Variants in MTUS2 observed in about 807,000 individuals in gnomAD.
MTUS2 encodes microtubule associated scaffold protein 2.
Under a neutral mutation model 114.1 loss-of-function variants are expected in MTUS2, and 40 were observed. That is an observed-to-expected ratio of 0.35 (90% CI 0.27 to 0.46). MTUS2 has a LOEUF of 0.46. Ranked by LOEUF, MTUS2 falls within the 20% of genes least tolerant of loss-of-function variation. The probability of loss-of-function intolerance (pLI) is 1.00; values close to 1 mark genes in which losing one functional copy is unlikely to be tolerated. For missense variants in MTUS2, 1,679 were observed against 1,705.4 expected (o/e 0.98, Z 0.27); for synonymous variants, 688 against 672.0 (o/e 1.02, Z -0.37).
chr13:29,223,384 G>T (rs1340620686), intron 5 of MTUS2, among the ~76,000 whole-genome samples: 2 of 152,124 alleles, frequency 1.3e-5, no homozygotes, highest in Non-Finnish European at 2.9e-5. Flanking sequence ...GATGATGGAT[G>T]CCCTGCCTGT....
chr13:28,941,304 A>G (rs1882221036), intron 2 of MTUS2, among the ~76,000 whole-genome samples: 1 of 152,114 alleles, frequency 6.6e-6, no homozygotes, highest in Non-Finnish European at 1.5e-5. Flanking sequence ...TATTCTGCAT[A>G]TGCTTACTGT....
intron 8 of MTUS2, among the ~76,000 whole-genome samples, chr13:29,422,441 A>G (rs1171155912): frequency 6.6e-6 from 1 of 152,196 alleles, no homozygotes; most frequent in Non-Finnish European, 1.5e-5. Context: ...GGTAATGCTT[A>G]TCATTAGTTA....
At chr13:29,210,314 G>A (rs550088698) in intron 5 of MTUS2, among the ~76,000 whole-genome samples, 1 of 151,958 alleles carries the variant, frequency 6.6e-6, no homozygotes, top group South Asian at 2.1e-4. Context: ...TATTTCTCTG[G>A]AGATTTTTTC....
At chr13:29,274,214 C>T (rs1345667805) in intron 5 of MTUS2, among the ~76,000 whole-genome samples, 4 of 151,894 alleles carry the variant, frequency 2.6e-5, no homozygotes, top group East Asian at 1.9e-4. Flanking sequence ...CCCAGGTTCA[C>T]GCCATTCTCT....
intron 4 of MTUS2, among the ~76,000 whole-genome samples, chr13:29,098,778 C>T (rs1041502782): frequency 6.6e-6 from 1 of 152,162 alleles, no homozygotes; most frequent in African/African-American, 2.4e-5. Context: ...GTAGTAAATG[C>T]TTACTGCATG....
chr13:29,205,879 A>T (rs1477804873), intron 5 of MTUS2, among the ~76,000 whole-genome samples: 1 of 152,150 alleles, frequency 6.6e-6, no homozygotes, highest in Non-Finnish European at 1.5e-5. Context: ...TGTGTGTTCA[A>T]GTATCTTTTT....
chr13:29,241,609 C>A (rs1896737327), intron 5 of MTUS2, among the ~76,000 whole-genome samples: 1 of 152,172 alleles, frequency 6.6e-6, no homozygotes, highest in African/African-American at 2.4e-5. Context: ...TCTCAAAAAT[C>A]ACATGCTACA....
chr13:29,466,616 C>T (rs747955305), intron 9 of MTUS2, among the ~76,000 whole-genome samples: 18 of 151,958 alleles, frequency 1.2e-4, no homozygotes, highest in Non-Finnish European at 2.5e-4. Context: ...GTGGCTCACG[C>T]CTGTAATCCC....
intron 2 of MTUS2, among the ~76,000 whole-genome samples, chr13:28,978,644 T>A (rs1884224030): frequency 6.6e-6 from 1 of 152,250 alleles, no homozygotes; most frequent in South Asian, 2.1e-4. Flanking sequence ...GTGATTATAG[T>A]TTGTTTTAAA....
At chr13:28,920,706 C>A (rs57764834) in intron 2 of MTUS2, among the ~76,000 whole-genome samples, 1,530 of 152,232 alleles carry the variant, frequency 0.01, 27 homozygotes, top group African/African-American at 0.035. Context: ...GGATTAGAGT[C>A]AAAAAGCCTA....
chr13:28,879,110 CT>C (rs938989800), intron 2 of MTUS2, among the ~76,000 whole-genome samples: 2 of 152,084 alleles, frequency 1.3e-5, no homozygotes, highest in African/African-American at 4.8e-5. Flanking sequence ...TGTTTGTTGG[CT>C]GCATGAATGT....
intron 4 of MTUS2, among the ~76,000 whole-genome samples, chr13:29,037,354 C>G (rs1887130133): frequency 6.6e-6 from 1 of 152,172 alleles, no homozygotes; most frequent in African/African-American, 2.4e-5. Context: ...TCTCTTCTGG[C>G]TTGTAGAGTT....
In MTUS2 at chr13:29,025,787, G is replaced by A. The variant is rs776762922; in HGVS notation, c.1089G>A (p.Leu363=). 4.3e-6 allele frequency: 7 copies of A among 1,613,890 alleles called. No individual in the cohort carries two copies. Among genetic ancestry groups the A allele is most frequent in the Admixed American group, 1.7e-5 (1 of 60,006 alleles). The part of the protein sequence containing the change: ...HPEATDALGH[L]LNSDLHHLGV... ...AAGCCACCGATGCACTTGGCCATCT[G>A]CTGAACAGTGACCTCCACCACCTTG... is the stretch of plus-strand genomic sequence containing the variant. Residue 363 remains leucine (L), a synonymous_variant, in exon 3 of 16, where the codon CTG becomes CTA. Coordinates refer to ENST00000612955, the MANE Select transcript of MTUS2 (RefSeq NM_001033602.4).
At chr13:29,044,957 T>C (rs1887548125) in intron 4 of MTUS2, among the ~76,000 whole-genome samples, 1 of 152,318 alleles carries the variant, frequency 6.6e-6, no homozygotes, top group African/African-American at 2.4e-5. Flanking sequence ...CTTCAGCTCA[T>C]AGGGCCACCC....
chr13:29,436,288 G>A (rs568949192), intron 8 of MTUS2, among the ~76,000 whole-genome samples: 92 of 152,256 alleles, frequency 6.0e-4, no homozygotes, highest in Non-Finnish European at 1.1e-3. Context: ...GACGATGGGT[G>A]GAAACTCCTG....
At chr13:29,283,447 A>G (rs1415291604) in intron 6 of MTUS2, among the ~76,000 whole-genome samples, 2 of 152,318 alleles carry the variant, frequency 1.3e-5, no homozygotes, top group East Asian at 3.9e-4. Flanking sequence ...ATCACATGGC[A>G]TTTGAATCTT....
intron 2 of MTUS2, among the ~76,000 whole-genome samples, chr13:28,981,605 T>C (rs1285274347): frequency 1.3e-5 from 2 of 152,116 alleles, no homozygotes; most frequent in Non-Finnish European, 2.9e-5. Flanking sequence ...AAAAGTAGAG[T>C]TCCCAGTATT....
chr13:29,310,196 G>A (rs1226451215), intron 6 of MTUS2, among the ~76,000 whole-genome samples: 1 of 152,148 alleles, frequency 6.6e-6, no homozygotes, highest in Non-Finnish European at 1.5e-5. Context: ...ACCTTGTGGA[G>A]TAGCTACTGT....
intron 2 of MTUS2, among the ~76,000 whole-genome samples, chr13:28,959,447 G>C (rs1182567662): frequency 1.3e-5 from 2 of 152,206 alleles, no homozygotes; most frequent in Non-Finnish European, 2.9e-5. Flanking sequence ...TGGACTTCTA[G>C]CCCTGTGTTA....
Sources: allele counts gnomAD v4.1 joint callset (sites outside exome capture counted in the v4.1 genomes callset), GRCh38; gene constraint gnomAD v4.1.1; transcripts MANE v1.5; gene names NCBI Gene and HGNC (gene_info 2026-07-23, HGNC 2026-07-21).